MEG3: variants seen among roughly 807,000 people sequenced by gnomAD.
MEG3 encodes maternally expressed 3, also known as Very putative protein from MEG3 locus.
At chr14:100,826,771 A>G (rs2037244209) in intron 1 of MEG3, among the ~76,000 whole-genome samples, 1 of 152,112 alleles carries the variant, frequency 6.6e-6, no homozygotes, top group African/African-American at 2.4e-5. Flanking sequence ...TCCGAATCCA[A>G]ATACACAGGT....
Position 100,845,367 on chromosome 14 carries a change from G to A in MEG3, n.3046-91G>A, listed in dbSNP as rs754111911. 1.9e-5 allele frequency: 7 copies of A among 362,808 alleles called. No homozygotes were observed. In the East Asian group the frequency reaches 2.5e-4, roughly 13 times the overall value. The allele number at this position is 362,808 out of a possible 1,614,324, so 22.5% of individuals were successfully genotyped here. A position where few individuals can be genotyped will look rare whatever the true frequency, so the allele number is the denominator to read the frequency against. ...TCTCTGCTCCAGGCCACCCCTGCCC[G>A]CCCCCCAGAGCTGTTGTCCTCATCC... On this transcript the variant is annotated intron_variant and non_coding_transcript_variant, in intron 2 of 3. Transcript: ENST00000398461. The surrounding 1 kb of genome is among the most constrained non-coding windows in gnomAD (Gnocchi z 5.2).
exon 1 of MEG3, chr14:100,859,944 T>A (rs1289600114): frequency 2.6e-5 from 4 of 152,318 alleles, no homozygotes; most frequent in Admixed American, 2.6e-4. Flanking sequence ...AGTTTGTTGT[T>A]TGTAACCTGG....
intron 1 of MEG3, among the ~76,000 whole-genome samples, chr14:100,828,285 A>T (rs1028544844): frequency 3.9e-5 from 6 of 151,974 alleles, no homozygotes; most frequent in Non-Finnish European, 7.4e-5. Context: ...AGTTGCGCAC[A>T]CGCACACAGC....
chr14:100,857,947 G>A (rs914569657), exon 1 of MEG3: 1 of 152,242 alleles, frequency 6.6e-6, no homozygotes, highest in East Asian at 1.9e-4. Context: ...GTCTCTGGTA[G>A]AAGGTGCAGA....
In MEG3 at chr14:100,845,233, C is replaced by A. The variant is rs995233622; in HGVS notation, n.3046-225C>A. Among the ~76,000 whole-genome samples, 5 of 152,204 alleles carry A rather than the reference C, an allele frequency of 3.3e-5. No homozygotes were observed. ...TGAACAGCACCAACCCAAGTCTGTT[C>A]CATGTCTCCACACCTGCCCCTTCCG... On this transcript the variant is annotated intron_variant and non_coding_transcript_variant, in intron 2 of 3. Transcript: ENST00000398461. This position sits in a 1 kb window ranked among gnomAD's most constrained non-coding sequence, Gnocchi z 5.2.
At chr14:100,858,542 C>G (rs894983907) in exon 1 of MEG3, 1 of 152,792 alleles carries the variant, frequency 6.5e-6, no homozygotes, top group Non-Finnish European at 1.5e-5. Context: ...TGCCCCCACT[C>G]TTTGTCTCCA....
At chr14:100,834,437 A>G (rs1222409969) in exon 1 of MEG3, 3 of 276,628 alleles carry the variant, frequency 1.1e-5, no homozygotes, top group Non-Finnish European at 2.1e-5. Flanking sequence ...AACTTTCAAA[A>G]GTTAACTCCC....
upstream of MEG3, chr14:100,855,237 G>A (rs1443109216): frequency 6.6e-6 from 1 of 152,608 alleles, no homozygotes; most frequent in Non-Finnish European, 1.5e-5. Context: ...CCATGCATTT[G>A]GCCTACTTAT....
intron 2 of MEG3, among the ~76,000 whole-genome samples, chr14:100,841,789 C>G (rs1254152171): frequency 6.6e-6 from 1 of 152,186 alleles, no homozygotes; most frequent in Non-Finnish European, 1.5e-5. Context: ...TCTGGAACAC[C>G]TTTTTGGTCT....
intron 2 of MEG3, among the ~76,000 whole-genome samples, chr14:100,840,136 G>A (rs2037708091): frequency 6.6e-6 from 1 of 152,210 alleles, no homozygotes; most frequent in Admixed American, 6.5e-5. Context: ...GTTCATTAAG[G>A]GAGAGGATGG....
intron 3 of MEG3, chr14:100,852,243 G>C: frequency 4.3e-6 from 2 of 462,662 alleles, no homozygotes; most frequent in Non-Finnish European, 8.7e-6. Flanking sequence ...GCAAAGTGGG[G>C]TGCTCAGGAA....
chr14:100,833,911 G>C (rs550233422), downstream of MEG3: 1 of 152,336 alleles, frequency 6.6e-6, no homozygotes, highest in South Asian at 2.1e-4. Flanking sequence ...TTGGCTAAAG[G>C]TTCTCTGGCT....
exon 2 of MEG3, chr14:100,860,838 C>A: frequency 2.7e-6 from 1 of 372,372 alleles, no homozygotes; most frequent in South Asian, 2.0e-5. Flanking sequence ...GGGCTGGACC[C>A]CTGCCCACCC....
chr14:100,860,788 C>T (rs1250899130), exon 2 of MEG3: 5 of 444,456 alleles, frequency 1.1e-5, no homozygotes, highest in African/African-American at 2.0e-5. Flanking sequence ...GAGACCCGCC[C>T]TCTGACTGAT....
rs1312777403 is a variant in MEG3 at position 100,837,924 on chromosome 14, G to A, written n.3045+1624G>A. Among the ~76,000 whole-genome samples the A allele has an allele frequency of 6.6e-6, 1 of 152,032 alleles. No homozygotes were observed. Among genetic ancestry groups the A allele is most frequent in the Non-Finnish European group, 1.5e-5 (1 of 67,996 alleles). On this transcript the variant is annotated intron_variant and non_coding_transcript_variant, in intron 2 of 3. Transcript: ENST00000398461. This position sits in a 1 kb window ranked among gnomAD's most constrained non-coding sequence, Gnocchi z 5.8. ...AGAGCCTGGAGAGACGGGGAGGGGA[G>A]TGTGTGCCCAGGGCTAAACCCAGGG...
chr14:100,838,159 G>A (rs368496766), intron 2 of MEG3, among the ~76,000 whole-genome samples: 4 of 152,110 alleles, frequency 2.6e-5, no homozygotes, highest in Non-Finnish European at 5.9e-5. Context: ...CTCTTGGACT[G>A]GTTTCTCACG....
chr14:100,832,604 T>C (rs1271103324), downstream of MEG3: 1 of 152,652 alleles, frequency 6.6e-6, no homozygotes. Flanking sequence ...GATCCTTCTT[T>C]GTCTGCGAAG....
At chr14:100,844,332 C>G (rs1010682960) in intron 2 of MEG3, among the ~76,000 whole-genome samples, 2 of 152,208 alleles carry the variant, frequency 1.3e-5, no homozygotes, top group African/African-American at 4.8e-5. Context: ...GGCCCAGCCC[C>G]TGGCTGCCCT....
chr14:100,854,306 C>T (rs2038174095), upstream of MEG3: 1 of 152,144 alleles, frequency 6.6e-6, no homozygotes, highest in South Asian at 2.1e-4. Context: ...CTTCTGTGAA[C>T]TGTTTGTCCA....
Sources: allele counts gnomAD v4.1 joint callset (sites outside exome capture counted in the v4.1 genomes callset), GRCh38; gene constraint gnomAD v4.1.1; non-coding constraint Gnocchi (gnomAD v3.1); transcripts MANE v1.5; gene names NCBI Gene and HGNC (gene_info 2026-07-23, HGNC 2026-07-21).